TBC1D16: variants seen among roughly 807,000 people sequenced by gnomAD.
TBC1D16 encodes CTD-2529O21.1.
In TBC1D16, 58 loss-of-function variants were observed where a neutral mutation model predicts 74.7. The observed-to-expected ratio is 0.78, with a 90% CI of 0.63 to 0.97. The LOEUF is 0.97. Ranked by LOEUF, TBC1D16 falls within the 50% of genes least tolerant of loss-of-function variation. The pLI, the probability that TBC1D16 is intolerant of heterozygous loss-of-function variation, is 0.00. For synonymous variants in TBC1D16, 493 were observed against 474.7 expected, an observed-to-expected ratio of 1.04 and a Z score of -0.50; for missense variants, 1,014 against 1,079.5, an observed-to-expected ratio of 0.94 and a Z score of 0.85.
Position 79,983,371 on chromosome 17 carries a change from T to C in TBC1D16, c.779+26789A>G, listed in dbSNP as rs1457297917. ...CCCAGGGGCCCCTCGGAGGGGCTCC[T>C]GTCCCTCTGCACCAAAGGTGTGCAC... On this transcript the variant is annotated intron_variant, in intron 3 of 11. Coordinates refer to ENST00000310924, the MANE Select transcript of TBC1D16 (RefSeq NM_019020.4). The surrounding 1 kb of genome is among the most constrained non-coding windows in gnomAD (Gnocchi z 5.6). Among the ~76,000 whole-genome samples, 3 of 152,212 alleles carry C rather than the reference T, an allele frequency of 2.0e-5. No homozygotes were observed. Among genetic ancestry groups the C allele is most frequent in the Non-Finnish European group, 2.9e-5 (2 of 68,036 alleles).
In TBC1D16 at chr17:79,988,468, C is replaced by A. The variant is rs2034929907; in HGVS notation, c.779+21692G>T. On this transcript the variant is annotated intron_variant, in intron 3 of 11. Transcript: ENST00000310924. The surrounding 1 kb of genome is among the most constrained non-coding windows in gnomAD (Gnocchi z 5.7). ...TATGCCCAAGGGGCAGAGGGGGCAG[C>A]AACCGGACGGAAGCTGCCCAATCAT... 6.6e-6 allele frequency among the ~76,000 whole-genome samples: 1 copy of A among 152,256 alleles called. No homozygotes were observed. Among genetic ancestry groups the A allele is most frequent in the African/African-American group, 2.4e-5 (1 of 41,466 alleles).
intron 3 of TBC1D16, among the ~76,000 whole-genome samples, chr17:79,996,807 T>C (rs2035289231): frequency 6.6e-6 from 1 of 152,186 alleles, no homozygotes; most frequent in Non-Finnish European, 1.5e-5. Flanking sequence ...GAATTTATCC[T>C]AGAGAAACGA....
chr17:80,029,770 T>G (rs865923258), intron 1 of TBC1D16, among the ~76,000 whole-genome samples: 7 of 152,232 alleles, frequency 4.6e-5, no homozygotes, highest in Middle Eastern at 3.4e-3. Flanking sequence ...TGACACAAAC[T>G]TACCAGCTAC....
chr17:79,987,528 T>A lies in TBC1D16; in HGVS notation c.779+22632A>T, dbSNP rs982936292. On this transcript the variant is annotated intron_variant, in intron 3 of 11. Transcript: ENST00000310924. This position sits in a 1 kb window ranked among gnomAD's most constrained non-coding sequence, Gnocchi z 5.2. ...TCCCAAAGTGCTAGGATTACAGGCA[T>A]GAGTCATCATGCCTGACCTATTTTT... is the stretch of plus-strand genomic sequence containing the variant. Among the ~76,000 whole-genome samples, 13 of 152,186 alleles carry A rather than the reference T, an allele frequency of 8.5e-5. No individual in the cohort carries two copies. Among genetic ancestry groups the A allele is most frequent in the Non-Finnish European group, 2.9e-5 (2 of 68,028 alleles).
rs539381610 is a variant in TBC1D16, at chr17:80,022,602, G to C, written c.-62-8993C>G. ...GATCCACCTGCCTTGGCCTCCAAAA[G>C]TGCTGGGATTACAGGCGTGAGCCAC... On this transcript the variant is annotated intron_variant, in intron 1 of 11. Coordinates refer to ENST00000310924, the MANE Select transcript of TBC1D16 (RefSeq NM_019020.4). Among the ~76,000 whole-genome samples the C allele has an allele frequency of 1.8e-4, 27 of 149,462 alleles. 4 individuals are homozygous for C. The highest frequency in any genetic ancestry group is 6.7e-4 in the African/African-American group (26 of 38,994).
intron 8 of TBC1D16, 49 bp downstream of exon 8, chr17:79,948,823 A>G (rs1298952782): frequency 1.3e-5 from 21 of 1,611,952 alleles, no homozygotes; most frequent in Non-Finnish European, 1.8e-5. Flanking sequence ...CGGTCAGGTG[A>G]GGCTTGCAGA....
rs1022202572 is a variant in TBC1D16, at chr17:79,941,698, T to C, written c.2055+362A>G. ...CACCCTGTCCCCAGGTCCAGCCTCC[T>C]TCTCAGTGTTCCCAGTTCTGGGTTG... is the stretch of plus-strand genomic sequence containing the variant. On this transcript the variant is annotated intron_variant, in intron 11 of 11. Coordinates refer to ENST00000310924, the MANE Select transcript of TBC1D16 (RefSeq NM_019020.4). This position sits in a 1 kb window ranked among gnomAD's most constrained non-coding sequence, Gnocchi z 4.3. Among the ~76,000 whole-genome samples, 1 of 152,200 alleles carries C rather than the reference T, an allele frequency of 6.6e-6. No homozygotes were observed. Among genetic ancestry groups the C allele is most frequent in the Non-Finnish European group, 1.5e-5 (1 of 68,040 alleles).
Position 79,962,689 on chromosome 17 carries a change from T to C in TBC1D16, c.780-9871A>G, listed in dbSNP as rs373897322. ...TGGCTCATGCCTGTAATTCCAGCAC[T>C]TTGGGAGGCTGAGGTGGGCAGGTCA... On this transcript the variant is annotated intron_variant, in intron 3 of 11. Coordinates refer to ENST00000310924, the MANE Select transcript of TBC1D16 (RefSeq NM_019020.4). 1.1e-3 allele frequency among the ~76,000 whole-genome samples: 166 copies of C among 152,056 alleles called. No homozygotes were observed. In the East Asian group the frequency reaches 0.03, roughly 27 times the overall value.
chr17:80,000,633 C>T lies in TBC1D16; in HGVS notation c.779+9527G>A, dbSNP rs186163904. ...CAGCCCCAGGACACTGATACGAGCA[C>T]GTCCAACGGGGCTGGCAACTCAGTC... On this transcript the variant is annotated intron_variant, in intron 3 of 11. Transcript: ENST00000310924. This position sits in a 1 kb window ranked among gnomAD's most constrained non-coding sequence, Gnocchi z 4.1. Among the ~76,000 whole-genome samples, 50 of 152,292 alleles carry T rather than the reference C, an allele frequency of 3.3e-4. 2 individuals carry two copies. The Middle Eastern group carries it at 0.014, about 41-fold the overall frequency.
rs1361011516 is a variant in TBC1D16 at position 79,954,009 on chromosome 17, A to G, written c.780-1191T>C. 2.0e-5 allele frequency among the ~76,000 whole-genome samples: 3 copies of G among 152,092 alleles called. No individual in the cohort carries two copies. Among genetic ancestry groups the G allele is most frequent in the Non-Finnish European group, 4.4e-5 (3 of 68,006 alleles). ...AGTCTTGACCTCCTGACCTCAGGTG[A>G]TCCACCCGCCTCAGCCTCCAAAAGT... On this transcript the variant is annotated intron_variant, in intron 3 of 11. Coordinates refer to ENST00000310924, the MANE Select transcript of TBC1D16 (RefSeq NM_019020.4). This position sits in a 1 kb window ranked among gnomAD's most constrained non-coding sequence, Gnocchi z 5.5.
At chr17:79,966,897 C>T (rs967997038) in intron 3 of TBC1D16, among the ~76,000 whole-genome samples, 1 of 151,994 alleles carries the variant, frequency 6.6e-6, no homozygotes, top group Non-Finnish European at 1.5e-5. Flanking sequence ...ATGACTGGTT[C>T]AACATATGAA....
chr17:79,942,007 G>A, intron 11 of TBC1D16, 53 bp downstream of exon 11: 2 of 1,502,150 alleles, frequency 1.3e-6, no homozygotes, highest in Non-Finnish European at 1.8e-6. Context: ...GAGCTGGTGG[G>A]GTGGGGCTTT....
intron 3 of TBC1D16, chr17:79,992,312 TG>T (rs1455988310): frequency 1.3e-5 from 2 of 152,358 alleles, no homozygotes; most frequent in African/African-American, 4.8e-5. Context: ...GAATCCCTGC[TG>T]GTCGCGCCCG....
rs1351704116 is a variant in TBC1D16, at chr17:79,985,027, AAAC to A, written c.779+25130_779+25132del. ...GAAGGACCACAGACCAGAAGCTTGA[AAAC>A]AACAGAAATGTATTGTCTGGCAGTT... is the stretch of plus-strand genomic sequence containing the variant. On this transcript the variant is annotated intron_variant, in intron 3 of 11. Transcript: ENST00000310924. This position sits in a 1 kb window ranked among gnomAD's most constrained non-coding sequence, Gnocchi z 4.9. Among the ~76,000 whole-genome samples, 2 of 152,150 alleles carry A rather than the reference AAAC, an allele frequency of 1.3e-5. No individual in the cohort carries two copies. Among genetic ancestry groups the A allele is most frequent in the African/African-American group, 4.8e-5 (2 of 41,410 alleles).
Position 79,975,048 on chromosome 17 carries a change from G to A in TBC1D16, c.780-22230C>T, listed in dbSNP as rs531392426. On this transcript the variant is annotated intron_variant, in intron 3 of 11. Coordinates refer to ENST00000310924, the MANE Select transcript of TBC1D16 (RefSeq NM_019020.4). This position sits in a 1 kb window ranked among gnomAD's most constrained non-coding sequence, Gnocchi z 4.5. ...GCCCAAGGAAGAAGCCCTCTGCTCC[G>A]TCACCTCCTCGCCATGCCGTCCCCA... is the stretch of plus-strand genomic sequence containing the variant. Among the ~76,000 whole-genome samples, 36 of 152,250 alleles carry A rather than the reference G, an allele frequency of 2.4e-4. No individual in the cohort carries two copies. Among genetic ancestry groups the A allele is most frequent in the Middle Eastern group, 6.8e-3 (2 of 294 alleles).
At chr17:80,024,029 C>CT (rs1336181541) in intron 1 of TBC1D16, 1 of 148,500 alleles carries the variant, frequency 6.7e-6, no homozygotes, top group Non-Finnish European at 1.5e-5. Context: ...GGACGCAGCC[C>CT]TCGGCGAGTG....
At chr17:80,026,152 G>A (rs2036576777) in intron 1 of TBC1D16, 1 of 150,326 alleles carries the variant, frequency 6.7e-6, no homozygotes, top group African/African-American at 2.5e-5. Flanking sequence ...GCCGGGCATG[G>A]TGGCTCACGC....
intron 3 of TBC1D16, among the ~76,000 whole-genome samples, chr17:79,972,612 C>T (rs1430707121): frequency 1.3e-5 from 2 of 152,178 alleles, no homozygotes; most frequent in Admixed American, 1.3e-4. Context: ...AGCAGTCAAT[C>T]TCAGAGGCAG....
At chr17:80,032,077 T>C (rs941999029) in intron 1 of TBC1D16, among the ~76,000 whole-genome samples, 2 of 152,192 alleles carry the variant, frequency 1.3e-5, no homozygotes, top group Admixed American at 6.5e-5. Context: ...GCTAGAGTAA[T>C]GATGAACTAT....
Sources: allele counts gnomAD v4.1 joint callset (sites outside exome capture counted in the v4.1 genomes callset), GRCh38; gene constraint gnomAD v4.1.1; non-coding constraint Gnocchi (gnomAD v3.1); transcripts MANE v1.5; gene names NCBI Gene and HGNC (gene_info 2026-07-23, HGNC 2026-07-21).